Variants in HS3ST4 observed in about 807,000 individuals in gnomAD.
HS3ST4 encodes heparan sulfate glucosamine 3-O-sulfotransferase 4.
Under a neutral mutation model 29.2 loss-of-function variants are expected in HS3ST4, and 17 were observed. That is an observed-to-expected ratio of 0.58 (90% CI 0.40 to 0.87). The LOEUF is 0.87. Ranked by LOEUF, HS3ST4 falls within the 40% of genes least tolerant of loss-of-function variation. The probability of loss-of-function intolerance (pLI) is 0.00; values close to 1 mark genes in which losing one functional copy is unlikely to be tolerated. For missense variants in HS3ST4, 627 were observed against 634.5 expected (o/e 0.99, Z 0.13); for synonymous variants, 314 against 285.7 (o/e 1.10, Z -1.00).
intron 1 of HS3ST4, among the ~76,000 whole-genome samples, chr16:25,875,675 A>C (rs1967823664): frequency 6.6e-6 from 1 of 151,996 alleles, no homozygotes; most frequent in Admixed American, 6.6e-5. Flanking sequence ...TCTGTTTCCC[A>C]CCCTTAGGAA....
intron 1 of HS3ST4, among the ~76,000 whole-genome samples, chr16:25,980,862 C>T (rs1173819978): frequency 6.6e-6 from 1 of 152,182 alleles, no homozygotes; most frequent in Non-Finnish European, 1.5e-5. Context: ...AAGAGGAAAA[C>T]ATGAGTGAGT....
At chr16:25,738,536 T>C (rs918409866) in intron 1 of HS3ST4, among the ~76,000 whole-genome samples, 2 of 152,126 alleles carry the variant, frequency 1.3e-5, no homozygotes, top group Admixed American at 6.5e-5. Flanking sequence ...CTACAGATGT[T>C]AGGTGGGTGG....
chr16:25,915,007 C>A (rs747580489), intron 1 of HS3ST4, among the ~76,000 whole-genome samples: 1 of 152,084 alleles, frequency 6.6e-6, no homozygotes, highest in African/African-American at 2.4e-5. Context: ...ATGCGGGCTG[C>A]GCTGTGCATT....
At chr16:26,121,915 A>AGG (rs1899281648) in intron 1 of HS3ST4, among the ~76,000 whole-genome samples, 2 of 152,206 alleles carry the variant, frequency 1.3e-5, no homozygotes, top group South Asian at 4.1e-4. Context: ...AACCCCAGTC[A>AGG]GGGTCAGGTG....
chr16:25,830,396 C>T (rs886648707), intron 1 of HS3ST4, among the ~76,000 whole-genome samples: 25 of 152,128 alleles, frequency 1.6e-4, no homozygotes. Flanking sequence ...TACGATGTGT[C>T]CTGAGCCTCT....
At chr16:25,960,862 A>T (rs952793510) in intron 1 of HS3ST4, among the ~76,000 whole-genome samples, 1 of 152,228 alleles carries the variant, frequency 6.6e-6, no homozygotes, top group African/African-American at 2.4e-5. Flanking sequence ...TAAATAAAGG[A>T]AAATCTGTGC....
intron 1 of HS3ST4, among the ~76,000 whole-genome samples, chr16:25,898,483 A>G (rs1429593762): frequency 6.6e-6 from 1 of 152,246 alleles, no homozygotes; most frequent in Non-Finnish European, 1.5e-5. Flanking sequence ...CGATGTAAGG[A>G]CATCACTGTG....
chr16:25,700,591 T>A (rs552714176), intron 1 of HS3ST4, among the ~76,000 whole-genome samples: 2 of 152,334 alleles, frequency 1.3e-5, no homozygotes, highest in South Asian at 4.1e-4. Flanking sequence ...TTTAGATGAA[T>A]GAAAGATTGC....
intron 1 of HS3ST4, among the ~76,000 whole-genome samples, chr16:25,754,446 TCCATCCATCTAC>T (rs759674010): frequency 6.6e-6 from 1 of 151,068 alleles, no homozygotes; most frequent in East Asian, 2.0e-4. Flanking sequence ...CATCTATCCA[TCCATCCATCTAC>T]CCATCCATCC....
intron 1 of HS3ST4, among the ~76,000 whole-genome samples, chr16:25,885,646 T>G (rs1442666699): frequency 6.6e-6 from 1 of 152,118 alleles, no homozygotes; most frequent in Non-Finnish European, 1.5e-5. Flanking sequence ...CACAAATTTT[T>G]GTCATATCCA....
intron 1 of HS3ST4, among the ~76,000 whole-genome samples, chr16:25,985,181 A>G (rs2141724784): frequency 6.6e-6 from 1 of 152,344 alleles, no homozygotes; most frequent in Non-Finnish European, 1.5e-5. Flanking sequence ...CTTACCTTAC[A>G]GGGTTGCATT....
intron 1 of HS3ST4, among the ~76,000 whole-genome samples, chr16:25,874,590 C>T (rs1967809725): frequency 6.6e-6 from 1 of 152,174 alleles, no homozygotes; most frequent in Non-Finnish European, 1.5e-5. Context: ...CATACATCAA[C>T]TCATCCAGCT....
intron 1 of HS3ST4, among the ~76,000 whole-genome samples, chr16:25,876,235 T>G (rs2141662012): frequency 6.6e-6 from 1 of 152,252 alleles, no homozygotes; most frequent in South Asian, 2.1e-4. Context: ...CTATTTCAAT[T>G]AAGAATCATT....
chr16:25,785,340 G>A (rs1250749387), intron 1 of HS3ST4, among the ~76,000 whole-genome samples: 1 of 152,208 alleles, frequency 6.6e-6, no homozygotes, highest in African/African-American at 2.4e-5. Flanking sequence ...AGAGATGAGT[G>A]TAAGTAGAGT....
chr16:26,019,337 T>G (rs755095885), intron 1 of HS3ST4, among the ~76,000 whole-genome samples: 15 of 152,220 alleles, frequency 9.9e-5, no homozygotes, highest in Non-Finnish European at 1.5e-4. Flanking sequence ...TCATTATGTA[T>G]GCAAAAATGG....
intron 1 of HS3ST4, among the ~76,000 whole-genome samples, chr16:25,768,339 A>G (rs1966834552): frequency 6.6e-6 from 1 of 152,222 alleles, no homozygotes; most frequent in Non-Finnish European, 1.5e-5. Context: ...TCTTGGGGAA[A>G]TCAGACTGAT....
At chr16:25,852,977 T>C (rs1567255609) in intron 1 of HS3ST4, among the ~76,000 whole-genome samples, 1 of 152,050 alleles carries the variant, frequency 6.6e-6, no homozygotes, top group Non-Finnish European at 1.5e-5. Context: ...GTTCCACCAG[T>C]CTTCTCTGAT....
Position 25,894,667 on chromosome 16 carries a change from A to G in HS3ST4, c.734+201516A>G, listed in dbSNP as rs374575443. Among the ~76,000 whole-genome samples, 18 of 151,874 alleles carry G rather than the reference A, an allele frequency of 1.2e-4. No homozygotes were observed. The East Asian group carries it at 2.7e-3, about 23-fold the overall frequency. ...ATTACAGGCACCTGACACCATGCCC[A>G]GTTAATTTTTGTATTTTTAATAGAG... On this transcript the variant is annotated intron_variant, in intron 1 of 1. Transcript: ENST00000331351.
At chr16:25,731,481 C>G (rs572884647) in intron 1 of HS3ST4, among the ~76,000 whole-genome samples, 53 of 152,242 alleles carry the variant, frequency 3.5e-4, no homozygotes, top group African/African-American at 1.3e-3. Context: ...GCTTGGATTA[C>G]AGGCATGCAA....
Sources: allele counts gnomAD v4.1 joint callset (sites outside exome capture counted in the v4.1 genomes callset), GRCh38; gene constraint gnomAD v4.1.1; transcripts MANE v1.5; gene names NCBI Gene and HGNC (gene_info 2026-07-23, HGNC 2026-07-21).